DPT: variants seen among roughly 807,000 people sequenced by gnomAD.
DPT encodes tyrosine-rich acidic matrix protein.
In DPT, 21 loss-of-function variants were observed where a neutral mutation model predicts 31.2. The observed-to-expected ratio is 0.67, with a 90% CI of 0.48 to 0.97. DPT has a LOEUF of 0.97. DPT is among the 50% of genes least tolerant of loss of function. The pLI, the probability that DPT is intolerant of heterozygous loss-of-function variation, is 0.00. For synonymous variants in DPT, 91 were observed against 86.9 expected (o/e 1.05, Z -0.26); for missense variants, 262 against 258.8 (o/e 1.01, Z -0.08).
chr1:168,707,261 CATT>C (rs1184349221), intron 2 of DPT, among the ~76,000 whole-genome samples: 2 of 152,188 alleles, frequency 1.3e-5, no homozygotes, highest in East Asian at 3.9e-4. Flanking sequence ...TTATTATCAT[CATT>C]ATCATTAGTA....
At chr1:168,712,314 C>T (rs1372070078) in intron 2 of DPT, among the ~76,000 whole-genome samples, 1 of 152,084 alleles carries the variant, frequency 6.6e-6, no homozygotes, top group Non-Finnish European at 1.5e-5. Context: ...CACTGCAGCC[C>T]GTGCAGGGCT....
intron 2 of DPT, among the ~76,000 whole-genome samples, chr1:168,704,866 A>T (rs1458683478): frequency 6.6e-6 from 1 of 152,208 alleles, no homozygotes; most frequent in Non-Finnish European, 1.5e-5. Context: ...CTCATCTAAG[A>T]TTCTTGAAGC....
rs1437386243 is a variant in DPT at position 168,728,917 on chromosome 1, T to C, written c.258A>G (p.Glu86=). The change falls in exon 1 of 4, where the codon GAA becomes GAG. Residue 86 remains glutamate (E), a synonymous_variant. Coordinates refer to ENST00000367817, the MANE Select transcript of DPT (RefSeq NM_001937.5). The stretch of plus-strand genomic sequence containing the variant: ...TCTCCTCCCACCAGCACTCCGTGGG[T>C]TCCCCGAGGCTCTGTGGCGTGGGCA... The part of the protein sequence containing the change: ...ACMPTPQSLG[E]PTECWWEEIN... 11 of 1,614,198 alleles carry C rather than the reference T, an allele frequency of 6.8e-6. No homozygotes were observed. Among genetic ancestry groups the C allele is most frequent in the Admixed American group, 3.3e-5 (2 of 60,022 alleles).
chr1:168,716,481 G>C (rs1649988648), intron 1 of DPT, among the ~76,000 whole-genome samples: 1 of 151,532 alleles, frequency 6.6e-6, no homozygotes, highest in Non-Finnish European at 1.5e-5. Flanking sequence ...TGATGATCTA[G>C]CTTTTTTTTT....
chr1:168,718,051 G>C (rs958164561), intron 1 of DPT, among the ~76,000 whole-genome samples: 2 of 152,234 alleles, frequency 1.3e-5, no homozygotes, highest in African/African-American at 4.8e-5. Flanking sequence ...CCATAAGCTA[G>C]TGCTCTCTGT....
intron 2 of DPT, among the ~76,000 whole-genome samples, chr1:168,703,480 CCTGT>C (rs1385770350): frequency 6.6e-6 from 1 of 152,124 alleles, no homozygotes; most frequent in African/African-American, 2.4e-5. Context: ...ACATAAGCCC[CCTGT>C]CTAACTGGAC....
intron 2 of DPT, among the ~76,000 whole-genome samples, chr1:168,710,455 A>G (rs527278004): frequency 6.6e-6 from 1 of 152,112 alleles, no homozygotes; most frequent in Admixed American, 6.6e-5. Flanking sequence ...AGGAAGGGTA[A>G]AGGGTATGGG....
At chr1:168,703,020 G>A (rs74122755) in intron 2 of DPT, among the ~76,000 whole-genome samples, 4,485 of 152,268 alleles carry the variant, frequency 0.029, 227 homozygotes, top group African/African-American at 0.1. Flanking sequence ...CAAGGAAAGA[G>A]AGGTTTGTTG....
chr1:168,700,996 G>A (rs754861556), intron 3 of DPT, 21 bp downstream of exon 3: 1 of 1,573,430 alleles, frequency 6.4e-7, no homozygotes, highest in South Asian at 1.1e-5. Context: ...TAGCCCATTG[G>A]GAAGGGGCTG....
chr1:168,696,270 C>G lies in DPT; in HGVS notation c.*279G>C, dbSNP rs115672169. 1.3e-5 allele frequency: 6 copies of G among 460,112 alleles called. No homozygotes were observed. In the East Asian group the frequency reaches 2.0e-4, roughly 15 times the overall value. The allele number at this position is 460,112 out of a possible 1,614,324, so 28.5% of individuals were successfully genotyped here. On this transcript the variant is annotated 3_prime_UTR_variant, in exon 4 of 4. Coordinates refer to ENST00000367817, the MANE Select transcript of DPT (RefSeq NM_001937.5). ...CTCCAGAAGCCCGGCTGTAAGCATG[C>G]GCACTGTATATGTGGTGTGCAAGGA...
At chr1:168,724,959 A>G (rs1650205871) in intron 1 of DPT, among the ~76,000 whole-genome samples, 1 of 152,194 alleles carries the variant, frequency 6.6e-6, no homozygotes, top group South Asian at 2.1e-4. Flanking sequence ...TAAAAAGTAG[A>G]TACCAATAAA....
intron 1 of DPT, among the ~76,000 whole-genome samples, chr1:168,717,070 A>G (rs900131791): frequency 2.0e-5 from 3 of 152,254 alleles, no homozygotes; most frequent in African/African-American, 4.8e-5. Context: ...GTATATACCC[A>G]TTAATGGGAT....
At chr1:168,711,492 G>A (rs753144517) in intron 2 of DPT, among the ~76,000 whole-genome samples, 4 of 152,132 alleles carry the variant, frequency 2.6e-5, no homozygotes, top group South Asian at 4.1e-4. Context: ...CAGAGACCTC[G>A]AGCCTTGCTG....
At chr1:168,706,889 T>C (rs1298705685) in intron 2 of DPT, among the ~76,000 whole-genome samples, 1 of 152,192 alleles carries the variant, frequency 6.6e-6, no homozygotes, top group African/African-American at 2.4e-5. Context: ...TTGATTTTCA[T>C]TAGCCACATT....
chr1:168,713,977 A>G (rs1179720305), intron 2 of DPT, among the ~76,000 whole-genome samples: 2 of 152,162 alleles, frequency 1.3e-5, no homozygotes, highest in Non-Finnish European at 2.9e-5. Flanking sequence ...ACTTTGGGCC[A>G]GTCAGTGCCG....
chr1:168,718,129 G>T (rs1650025354), intron 1 of DPT, among the ~76,000 whole-genome samples: 1 of 152,352 alleles, frequency 6.6e-6, no homozygotes, highest in Non-Finnish European at 1.5e-5. Flanking sequence ...GAACTGAGCT[G>T]GGCTGTGGTT....
chr1:168,727,149 C>A (rs1017692886), intron 1 of DPT, among the ~76,000 whole-genome samples: 4 of 152,172 alleles, frequency 2.6e-5, no homozygotes, highest in Admixed American at 1.3e-4. Flanking sequence ...AGTCAGCTGT[C>A]GGGTGGGAGC....
At chr1:168,707,029 C>T (rs560206669) in intron 2 of DPT, among the ~76,000 whole-genome samples, 2 of 152,244 alleles carry the variant, frequency 1.3e-5, no homozygotes, top group South Asian at 2.1e-4. Flanking sequence ...AATATTTCAC[C>T]TGTAGAAGTC....
At chr1:168,725,203 T>TCTTTC (rs1650210656) in intron 1 of DPT, among the ~76,000 whole-genome samples, 5 of 61,980 alleles carry the variant, frequency 8.1e-5, no homozygotes, top group African/African-American at 3.9e-4. Context: ...CCTTTGCTTT[T>TCTTTC]CTTTCCTTTC....
Sources: gnomAD v4.1 joint callset for allele counts (sites outside exome capture counted in the v4.1 genomes callset) on GRCh38, gnomAD v4.1.1 for gene constraint, MANE v1.5 for transcripts, NCBI Gene and HGNC (gene_info 2026-07-23, HGNC 2026-07-21) for gene names.